The following PCDHA10 variants were observed in gnomAD, a reference collection of about 807,000 sequenced individuals.
The protein encoded by PCDHA10 is protocadherin alpha 10.
PCDHA10 carries 45 observed loss-of-function variants against 61.2 expected under a neutral mutation model. The ratio of observed to expected loss-of-function variants is 0.74; its 90% confidence interval spans 0.58 to 0.94. The LOEUF is 0.94. Among genes scored for constraint, PCDHA10 ranks in the 40% least tolerant of loss-of-function variants. The pLI is 0.00. For synonymous variants in PCDHA10, 602 were observed against 548.8 expected, an observed-to-expected ratio of 1.10 and a Z score of -1.35; for missense variants, 1,278 against 1,236.2, an observed-to-expected ratio of 1.03 and a Z score of -0.51.
At position 141,010,636 on chromosome 5, in the gene PCDHA10, A is replaced by G; in HGVS notation, c.*699A>G. On this transcript the variant is annotated 3_prime_UTR_variant, in exon 4 of 4. Coordinates refer to ENST00000307360, the MANE Select transcript of PCDHA10 (RefSeq NM_018901.4). ...AAAATCTGCATCATACCTGCAAGCC[A>G]ACAGTTCAGTGTTTTAACAGAGAAC... is the stretch of plus-strand genomic sequence containing the variant. 1 of 183,300 alleles carries G rather than the reference A, an allele frequency of 5.5e-6. No individual in the cohort carries two copies. The highest frequency in any genetic ancestry group is 1.2e-5 in the Non-Finnish European group (1 of 86,478). 11.4% of individuals were successfully genotyped at this position (183,300 alleles called of 1,614,324 possible). A position where few individuals can be genotyped will look rare whatever the true frequency, so the allele number is the denominator to read the frequency against.
intron 1 of PCDHA10, chr5:140,877,314 G>A (rs2057020187): frequency 6.2e-7 from 1 of 1,613,972 alleles, no homozygotes; most frequent in Admixed American, 1.7e-5. Context: ...TGCAACCGGC[G>A]GCGGTCGGCG....
chr5:140,906,665 AC>A (rs558667206), intron 1 of PCDHA10, among the ~76,000 whole-genome samples: 132 of 152,200 alleles, frequency 8.7e-4, no homozygotes, highest in African/African-American at 3.2e-3. Context: ...TGGTGTAGTG[AC>A]CCAAACCTTC....
At chr5:140,990,670 A>T (rs1172208113) in intron 3 of PCDHA10, among the ~76,000 whole-genome samples, 1 of 152,192 alleles carries the variant, frequency 6.6e-6, no homozygotes, top group Non-Finnish European at 1.5e-5. Flanking sequence ...CATTAGATGC[A>T]CACCAAGCTG....
intron 3 of PCDHA10, among the ~76,000 whole-genome samples, chr5:140,998,111 T>A (rs1224150326): frequency 1.3e-5 from 2 of 152,108 alleles, no homozygotes; most frequent in African/African-American, 4.8e-5. Flanking sequence ...GAGGAGAAAA[T>A]TTACTTGTGA....
intron 3 of PCDHA10, among the ~76,000 whole-genome samples, chr5:141,008,842 T>C (rs1554261951): frequency 6.6e-6 from 1 of 152,214 alleles, no homozygotes; most frequent in East Asian, 1.9e-4. Context: ...TCTTACGCTG[T>C]GTATTCCCAT....
intron 1 of PCDHA10, chr5:140,868,490 A>G (rs1383994336): frequency 6.6e-6 from 1 of 152,330 alleles, no homozygotes; most frequent in African/African-American, 2.4e-5. Flanking sequence ...TTTTTCTTTG[A>G]GTTCCCTAGC....
chr5:141,006,535 G>A (rs1473022946), intron 3 of PCDHA10, among the ~76,000 whole-genome samples: 1 of 152,118 alleles, frequency 6.6e-6, no homozygotes, highest in Non-Finnish European at 1.5e-5. Context: ...TTTTTAAAGA[G>A]AGACATTAAG....
intron 1 of PCDHA10, among the ~76,000 whole-genome samples, chr5:140,907,480 C>A (rs1300090409): frequency 6.6e-6 from 1 of 152,212 alleles, no homozygotes; most frequent in Admixed American, 6.5e-5. Flanking sequence ...GCAGGATAGG[C>A]AAACCCATAT....
chr5:140,933,494 T>C (rs901456699), intron 1 of PCDHA10, among the ~76,000 whole-genome samples: 3 of 152,110 alleles, frequency 2.0e-5, no homozygotes, highest in Non-Finnish European at 4.4e-5. Context: ...TTCTTTAGAA[T>C]TGTTAAGCAA....
intron 1 of PCDHA10, chr5:140,929,725 A>G (rs1415397730): frequency 9.2e-6 from 2 of 218,138 alleles, no homozygotes; most frequent in Admixed American, 1.2e-4. Flanking sequence ...TGAAACATTT[A>G]CTTAAACTAT....
chr5:140,985,859 C>T (rs2153837183), intron 3 of PCDHA10, among the ~76,000 whole-genome samples: 1 of 151,736 alleles, frequency 6.6e-6, no homozygotes, highest in African/African-American at 2.4e-5. Context: ...CCTGCCTCAG[C>T]CTCCTGAGTA....
intron 1 of PCDHA10, among the ~76,000 whole-genome samples, chr5:140,933,894 A>G (rs2089494206): frequency 6.6e-6 from 1 of 151,894 alleles, no homozygotes; most frequent in Non-Finnish European, 1.5e-5. Context: ...ACTTTTGAAT[A>G]TTTTGGCATA....
At chr5:140,861,474 G>A in intron 1 of PCDHA10, 1 of 493,958 alleles carries the variant, frequency 2.0e-6, no homozygotes, top group East Asian at 5.8e-5. Context: ...TCTGCAGAAT[G>A]GCATTTTTGT....
intron 1 of PCDHA10, among the ~76,000 whole-genome samples, chr5:140,892,143 C>T (rs983937899): frequency 3.3e-5 from 5 of 152,262 alleles, no homozygotes; most frequent in African/African-American, 9.6e-5. Flanking sequence ...ATGGTTTTAG[C>T]GTCTATTTCT....
intron 1 of PCDHA10, among the ~76,000 whole-genome samples, chr5:140,887,165 C>T (rs1451761224): frequency 1.3e-5 from 2 of 151,306 alleles, no homozygotes; most frequent in Non-Finnish European, 2.9e-5. Flanking sequence ...GGCGTGATCT[C>T]GGCTCACTGC....
chr5:140,929,326 G>A, intron 1 of PCDHA10: 1 of 1,538,470 alleles, frequency 6.5e-7, no homozygotes. Context: ...CAATGCCATG[G>A]TAAGCAAATT....
chr5:140,976,814 A>G (rs1276394910), intron 1 of PCDHA10, among the ~76,000 whole-genome samples: 1 of 152,242 alleles, frequency 6.6e-6, no homozygotes, highest in East Asian at 1.9e-4. Flanking sequence ...GAAGATATGC[A>G]TGTGTCTAAT....
intron 1 of PCDHA10, chr5:140,859,517 T>A (rs1364411363): frequency 5.1e-6 from 1 of 195,368 alleles, no homozygotes; most frequent in Admixed American, 5.8e-5. Flanking sequence ...ATGATTTCAT[T>A]TTTAAAAAAA....
chr5:140,967,121 C>T, intron 1 of PCDHA10: 1 of 1,612,916 alleles, frequency 6.2e-7, no homozygotes, highest in East Asian at 2.2e-5. Flanking sequence ...TCGCTGCCTG[C>T]TCAGCTTGGA....
Sources: gnomAD v4.1 joint callset for allele counts (sites outside exome capture counted in the v4.1 genomes callset) on GRCh38, gnomAD v4.1.1 for gene constraint, MANE v1.5 for transcripts, NCBI Gene and HGNC (gene_info 2026-07-23, HGNC 2026-07-21) for gene names.